Variants in NEDD9 observed in about 807,000 individuals in gnomAD.
NEDD9 encodes enhancer of filamentation 1.
Under a neutral mutation model 76.6 loss-of-function variants are expected in NEDD9, and 26 were observed. The ratio of observed to expected loss-of-function variants is 0.34; its 90% CI spans 0.25 to 0.47. The LOEUF is 0.47. NEDD9 is among the 20% of genes least tolerant of loss of function. NEDD9 has a pLI of 1.00. For missense variants in NEDD9, 937 were observed against 1,058.5 expected (o/e 0.89, Z 1.59); for synonymous variants, 392 against 414.2 (o/e 0.95, Z 0.65).
intron 3 of NEDD9, among the ~76,000 whole-genome samples, chr6:11,282,562 C>T (rs1226263339): frequency 6.6e-6 from 1 of 152,226 alleles, no homozygotes; most frequent in African/African-American, 2.4e-5. Context: ...TGCTGTCCCT[C>T]CTCCAACCTT....
intron 1 of NEDD9, among the ~76,000 whole-genome samples, chr6:11,372,391 C>T (rs1330442470): frequency 1.3e-5 from 2 of 152,084 alleles, no homozygotes; most frequent in Non-Finnish European, 2.9e-5. Context: ...TTCCTTTATC[C>T]ATTTATTTGT....
At chr6:11,363,114 G>C (rs1021944330) in intron 1 of NEDD9, among the ~76,000 whole-genome samples, 22 of 152,102 alleles carry the variant, frequency 1.4e-4, no homozygotes, top group Admixed American at 3.9e-4. Context: ...TCATTTCAAT[G>C]CATAGACTTT....
At chr6:11,344,390 T>TGTGGACAAAATATCAGCAGCATCCC (rs1452600395) in intron 1 of NEDD9, among the ~76,000 whole-genome samples, 5 of 151,958 alleles carry the variant, frequency 3.3e-5, no homozygotes, top group Non-Finnish European at 7.4e-5. Flanking sequence ...AAGATAGGAG[T>TGTGGACAAAATATCAGCAGCATCCC]GTGGACAAAA....
intron 1 of NEDD9, among the ~76,000 whole-genome samples, chr6:11,366,554 A>G (rs1428815428): frequency 2.0e-5 from 3 of 152,210 alleles, no homozygotes; most frequent in African/African-American, 4.8e-5. Context: ...TTCTCATGGG[A>G]TAGCCATTAG....
intron 3 of NEDD9, among the ~76,000 whole-genome samples, chr6:11,288,282 T>C (rs1163827093): frequency 2.6e-5 from 4 of 152,204 alleles, no homozygotes; most frequent in African/African-American, 7.2e-5. Context: ...TACACCCTGG[T>C]CTAAGGTCTG....
intron 1 of NEDD9, among the ~76,000 whole-genome samples, chr6:11,221,404 A>T (rs1284623869): frequency 1.3e-5 from 2 of 151,990 alleles, no homozygotes; most frequent in Non-Finnish European, 2.9e-5. Context: ...AAGAAAAAGA[A>T]AAAGAAAAAA....
chr6:11,341,171 A>C (rs1259451245), intron 1 of NEDD9, among the ~76,000 whole-genome samples: 7 of 152,202 alleles, frequency 4.6e-5, no homozygotes, highest in Admixed American at 3.9e-4. Context: ...GTCTCCTGTA[A>C]ACAATTAGAA....
At chr6:11,283,153 A>G (rs1760573789) in intron 3 of NEDD9, among the ~76,000 whole-genome samples, 1 of 152,250 alleles carries the variant, frequency 6.6e-6, no homozygotes, top group Admixed American at 6.5e-5. Context: ...CAACCATTGC[A>G]GCCTCAGAAA....
At chr6:11,224,224 A>G (rs537068136) in intron 1 of NEDD9, among the ~76,000 whole-genome samples, 39 of 152,328 alleles carry the variant, frequency 2.6e-4, no homozygotes, top group African/African-American at 8.9e-4. Flanking sequence ...AATCAACGTT[A>G]TGTGTTCTCT....
At chr6:11,336,993 G>A (rs1762173956) in intron 1 of NEDD9, among the ~76,000 whole-genome samples, 1 of 152,174 alleles carries the variant, frequency 6.6e-6, no homozygotes, top group African/African-American at 2.4e-5. Context: ...GGCTGAGGCA[G>A]GCGGATCATG....
chr6:11,352,441 A>C (rs1034944242), intron 1 of NEDD9: 1 of 152,114 alleles, frequency 6.6e-6, no homozygotes, highest in African/African-American at 2.4e-5. Flanking sequence ...CTGAGAACAT[A>C]CACTTTTTAT....
At chr6:11,286,013 A>C (rs1280071418) in intron 3 of NEDD9, among the ~76,000 whole-genome samples, 1 of 152,210 alleles carries the variant, frequency 6.6e-6, no homozygotes, top group Non-Finnish European at 1.5e-5. Flanking sequence ...AAAATTAAAA[A>C]CACCTGCTCT....
chr6:11,343,301 C>A (rs956347884), intron 1 of NEDD9, among the ~76,000 whole-genome samples: 1 of 151,914 alleles, frequency 6.6e-6, no homozygotes, highest in Non-Finnish European at 1.5e-5. Context: ...TGGTGTCATG[C>A]GCCTGTAATC....
At chr6:11,286,966 C>T (rs1352265516) in intron 3 of NEDD9, among the ~76,000 whole-genome samples, 1 of 152,118 alleles carries the variant, frequency 6.6e-6, no homozygotes, top group African/African-American at 2.4e-5. Flanking sequence ...TAATTGGAGG[C>T]TTCTCTACTC....
At position 11,353,431 on chromosome 6, in the gene NEDD9, G is replaced by C. The variant is rs188394052; in HGVS notation, c.-213-18870C>G. On this transcript the variant is annotated intron_variant, in intron 1 of 3. Coordinates refer to the NEDD9 transcript ENST00000397378. ...CCTGTGAAGATGGAGGCACAGGTGT[G>C]AGAGATGCTGCCACAAGCCCAGGAA... Among the ~76,000 whole-genome samples the C allele has an allele frequency of 5.2e-3, 792 of 152,318 alleles. 5 individuals are homozygous for C. Among genetic ancestry groups the C allele is most frequent in the African/African-American group, 0.018 (757 of 41,560 alleles).
intron 2 of NEDD9, among the ~76,000 whole-genome samples, chr6:11,208,177 CAA>C (rs201241404): frequency 0.011 from 725 of 63,866 alleles, 1 homozygote; most frequent in African/African-American, 0.032. Context: ...GACCCTGACT[CAA>C]AAAAAAAAAA....
chr6:11,285,216 A>G (rs1760623264), intron 3 of NEDD9, among the ~76,000 whole-genome samples: 2 of 152,058 alleles, frequency 1.3e-5, no homozygotes, highest in African/African-American at 2.4e-5. Flanking sequence ...GAAATTGATC[A>G]TTTTCCTGAC....
At chr6:11,337,530 T>G (rs1762187673) in intron 1 of NEDD9, among the ~76,000 whole-genome samples, 1 of 152,156 alleles carries the variant, frequency 6.6e-6, no homozygotes, top group African/African-American at 2.4e-5. Flanking sequence ...GATAGGAAAT[T>G]TTCAGCTTCA....
intron 3 of NEDD9, among the ~76,000 whole-genome samples, chr6:11,263,000 G>C (rs73721511): frequency 6.6e-6 from 1 of 152,126 alleles, no homozygotes; most frequent in Non-Finnish European, 1.5e-5. Context: ...GGTAACCAGT[G>C]TTTTAACAGG....
Sources: allele counts gnomAD v4.1 joint callset (sites outside exome capture counted in the v4.1 genomes callset), GRCh38; gene constraint gnomAD v4.1.1; transcripts MANE v1.5; gene names NCBI Gene and HGNC (gene_info 2026-07-23, HGNC 2026-07-21).